DGKI: variants seen among roughly 807,000 people sequenced by gnomAD.
DGKI encodes DAG kinase iota.
A neutral mutation model predicts 147.5 loss-of-function variants in DGKI; 55 were observed. The observed-to-expected ratio is 0.37, with a 90% confidence interval of 0.30 to 0.47. The LOEUF is 0.47. Among genes scored for constraint, DGKI ranks in the 20% least tolerant of loss-of-function variants. The probability of loss-of-function intolerance (pLI) is 1.00; values close to 1 mark genes in which losing one functional copy is unlikely to be tolerated. For synonymous variants in DGKI, 469 were observed against 477.1 expected (o/e 0.98, Z 0.22); for missense variants, 1,007 against 1,323.8 (o/e 0.76, Z 3.71).
chr7:137,661,078 C>T (rs570170423), intron 3 of DGKI, among the ~76,000 whole-genome samples: 34 of 152,258 alleles, frequency 2.2e-4, no homozygotes, highest in Middle Eastern at 3.4e-3. Context: ...ATGAGGCACA[C>T]GGCAAGCTTT....
chr7:137,411,162 C>G (rs1812148272), intron 29 of DGKI, among the ~76,000 whole-genome samples: 1 of 152,222 alleles, frequency 6.6e-6, no homozygotes. Flanking sequence ...TGGCACCTCA[C>G]TCCACAGGCT....
intron 1 of DGKI, among the ~76,000 whole-genome samples, chr7:137,707,690 A>AAGT (rs796179708): frequency 4.3e-4 from 65 of 152,310 alleles, no homozygotes; most frequent in African/African-American, 1.5e-3. Context: ...CTATGATTAT[A>AAGT]AGTTTCCTGA....
chr7:137,476,928 G>A (rs1815191877), intron 23 of DGKI, among the ~76,000 whole-genome samples: 1 of 152,206 alleles, frequency 6.6e-6, no homozygotes, highest in Non-Finnish European at 1.5e-5. Flanking sequence ...TGAAGGAAGA[G>A]TGAGGTTTGG....
At chr7:137,662,075 T>C (rs1343158121) in intron 3 of DGKI, among the ~76,000 whole-genome samples, 1 of 152,168 alleles carries the variant, frequency 6.6e-6, no homozygotes, top group East Asian at 1.9e-4. Context: ...TAAATTGGCA[T>C]TAGGAAAAAT....
intron 23 of DGKI, among the ~76,000 whole-genome samples, chr7:137,472,006 C>A (rs1814920555): frequency 7.5e-6 from 1 of 132,994 alleles, no homozygotes; most frequent in African/African-American, 2.8e-5. Flanking sequence ...TATGTATATA[C>A]AGACATATAT....
rs1424989406 is a variant in DGKI, at chr7:137,487,612, C to G, written c.2326G>C (p.Glu776Gln). The change falls in exon 22 of 33, where the codon GAG becomes CAG. Residue 776 changes from glutamate (E) to glutamine (Q), a missense_variant and splice_region_variant. Transcript: ENST00000614521. ...AAAAATTGGCTAAATAAACTCACCT[C>G]CTGTAGGCGGTCTATGTACATACGG... ...TCRMYIDRLQ[E>Q]DLQSVSSGSQ... 6.2e-7 allele frequency: 1 copy of G among 1,613,594 alleles called. No individual in the cohort carries two copies. Among genetic ancestry groups the G allele is most frequent in the Non-Finnish European group, 8.5e-7 (1 of 1,179,630 alleles).
At position 137,715,687 on chromosome 7, in the gene DGKI, G is replaced by A. The variant is rs554691333; in HGVS notation, c.402-25685C>T. Among the ~76,000 whole-genome samples the A allele has an allele frequency of 7.2e-5, 11 of 152,316 alleles. No individual in the cohort carries two copies. The East Asian group carries it at 1.9e-3, about 27-fold the overall frequency. ...GCCCTGTAGCATGCAAATGAACAAA[G>A]GGTGTGCAAAGCAACAGGGAAAAGC... is the stretch of plus-strand genomic sequence containing the variant. On this transcript the variant is annotated intron_variant, in intron 1 of 32. Transcript: ENST00000614521.
intron 6 of DGKI, among the ~76,000 whole-genome samples, chr7:137,640,167 A>C (rs1398229267): frequency 6.6e-6 from 1 of 152,070 alleles, no homozygotes. Flanking sequence ...CCCTTTGCCT[A>C]ATAATTCCCC....
chr7:137,441,092 T>C (rs1813481605), intron 28 of DGKI, among the ~76,000 whole-genome samples: 1 of 152,180 alleles, frequency 6.6e-6, no homozygotes, highest in South Asian at 2.1e-4. Flanking sequence ...GCCTGGATGC[T>C]AGCGAATAAT....
At position 137,469,589 on chromosome 7, in the gene DGKI, A is replaced by G; in HGVS notation, c.2404T>C (p.Ser802Pro). 6.2e-7 allele frequency: 1 copy of G among 1,614,042 alleles called. No homozygotes were observed. Among genetic ancestry groups the G allele is most frequent in the Non-Finnish European group, 8.5e-7 (1 of 1,179,956 alleles). ...CACCGAGGAGAGAGCCTCTGTGCTG[A>G]GAGAGCCCTGGGGAAGGAGGTTTCA... ...DHETSFPRAL[S>P]AQRLSPRWCF... Residue 802 changes from serine to proline, a missense_variant, in exon 24 of 33, where the codon TCA becomes CCA. Transcript: ENST00000614521.
At chr7:137,830,837 T>C (rs925725566) in intron 1 of DGKI, among the ~76,000 whole-genome samples, 2 of 152,200 alleles carry the variant, frequency 1.3e-5, no homozygotes, top group Admixed American at 1.3e-4. Context: ...CAGAATGTAA[T>C]GGGAAAAGAT....
rs566127970 is a variant in DGKI, at chr7:137,711,447, C to A, written c.402-21445G>T. ...ATAAATGAACTACAGTTGCATAGAA[C>A]AAAACATATGAAACTCAAGAACACA... On this transcript the variant is annotated intron_variant, in intron 1 of 32. Coordinates refer to ENST00000614521, the MANE Select transcript of DGKI (RefSeq NM_001321708.2). 9.9e-5 allele frequency among the ~76,000 whole-genome samples: 15 copies of A among 152,180 alleles called. No individual in the cohort carries two copies. The South Asian group carries it at 2.9e-3, about 29-fold the overall frequency.
intron 3 of DGKI, among the ~76,000 whole-genome samples, chr7:137,672,715 C>T (rs1822885782): frequency 6.7e-6 from 1 of 150,292 alleles, no homozygotes; most frequent in Admixed American, 6.6e-5. Context: ...ACTCTAATTC[C>T]TGCCCCCATC....
intron 21 of DGKI, among the ~76,000 whole-genome samples, chr7:137,495,404 CAAA>C (rs36073500): frequency 9.2e-6 from 1 of 108,156 alleles, no homozygotes; most frequent in Admixed American, 1.0e-4. Flanking sequence ...AACTATTTAA[CAAA>C]AAAAAAAAAA....
At chr7:137,649,659 T>C (rs1821953504) in intron 5 of DGKI, among the ~76,000 whole-genome samples, 1 of 151,802 alleles carries the variant, frequency 6.6e-6, no homozygotes, top group Non-Finnish European at 1.5e-5. Context: ...TAAATACTGC[T>C]CAGGTGATGC....
In DGKI at chr7:137,811,924, T is replaced by C. The variant is rs562406079; in HGVS notation, c.401+34538A>G. On this transcript the variant is annotated intron_variant, in intron 1 of 32. Coordinates refer to ENST00000614521, the MANE Select transcript of DGKI (RefSeq NM_001321708.2). Reference sequence around the variant, plus strand: ...TAATTGCCCCAGCCTAGGTAGGTAGTGACTCTTGAAGTATACATCTTTGCC... The same window carrying C: ...TAATTGCCCCAGCCTAGGTAGGTAGCGACTCTTGAAGTATACATCTTTGCC... Among the ~76,000 whole-genome samples, 5 of 152,350 alleles carry C rather than the reference T, an allele frequency of 3.3e-5. No homozygotes were observed. The South Asian group carries it at 1.0e-3, about 32-fold the overall frequency.
intron 1 of DGKI, among the ~76,000 whole-genome samples, chr7:137,706,580 T>A (rs1357679239): frequency 1.4e-5 from 2 of 141,236 alleles, no homozygotes; most frequent in Non-Finnish European, 3.2e-5. Flanking sequence ...TTTATTTTTA[T>A]TTTTTTTTTT....
chr7:137,708,977 T>G (rs1420375436), intron 1 of DGKI, among the ~76,000 whole-genome samples: 2 of 152,220 alleles, frequency 1.3e-5, no homozygotes, highest in African/African-American at 4.8e-5. Flanking sequence ...AATAGAGAAC[T>G]ACTGGCATTG....
At chr7:137,715,761 C>G (rs77015109) in intron 1 of DGKI, among the ~76,000 whole-genome samples, 1 of 152,160 alleles carries the variant, frequency 6.6e-6, no homozygotes, top group Non-Finnish European at 1.5e-5. Flanking sequence ...AACCAGACAA[C>G]CTTGATAGAA....
Sources: gnomAD v4.1 joint callset for allele counts (sites outside exome capture counted in the v4.1 genomes callset) on GRCh38, gnomAD v4.1.1 for gene constraint, MANE v1.5 for transcripts, NCBI Gene and HGNC (gene_info 2026-07-23, HGNC 2026-07-21) for gene names.